The following ADGRD1 variants were observed in gnomAD, a reference collection of about 807,000 sequenced individuals.
The protein encoded by ADGRD1 is G-protein coupled receptor 133.
In ADGRD1, 77 loss-of-function variants were observed where a neutral mutation model predicts 113.4. That is an observed-to-expected ratio of 0.68 (90% CI 0.57 to 0.82). ADGRD1 has a LOEUF of 0.82. Ranked by LOEUF, ADGRD1 falls within the 40% of genes least tolerant of loss-of-function variation. The pLI is 0.00. For missense variants in ADGRD1, 1,036 were observed against 1,139.1 expected, an observed-to-expected ratio of 0.91 and a Z score of 1.30; for synonymous variants, 474 against 475.0, an observed-to-expected ratio of 1.00 and a Z score of 0.03.
chr12:131,129,595 A>G (rs879711089), intron 20 of ADGRD1, among the ~76,000 whole-genome samples: 71 of 152,222 alleles, frequency 4.7e-4, no homozygotes, highest in Admixed American at 3.0e-3. Context: ...TCAGTGGGTG[A>G]GGTACCCGGA....
chr12:131,054,351 C>T (rs949544164), intron 13 of ADGRD1, among the ~76,000 whole-genome samples: 6 of 152,180 alleles, frequency 3.9e-5, no homozygotes, highest in Admixed American at 6.5e-5. Flanking sequence ...GATTAATCTG[C>T]ATTTTCTAGA....
intron 20 of ADGRD1, among the ~76,000 whole-genome samples, chr12:131,130,433 C>T (rs1020936127): frequency 6.6e-5 from 10 of 152,146 alleles, no homozygotes; most frequent in South Asian, 2.1e-4. Flanking sequence ...GGCCCCACCA[C>T]GCACCACTCT....
At chr12:131,117,176 GGACTGCTGT>G (rs1376444455) in intron 18 of ADGRD1, among the ~76,000 whole-genome samples, 9 of 152,174 alleles carry the variant, frequency 5.9e-5, no homozygotes, top group African/African-American at 2.2e-4. Flanking sequence ...GAAGCTCTGG[GGACTGCTGT>G]GATCCAGATG....
chr12:131,076,736 C>T (rs1236519304), intron 13 of ADGRD1, 65 bp from the exon 14 acceptor site: 35 of 1,377,930 alleles, frequency 2.5e-5, no homozygotes, highest in Non-Finnish European at 3.6e-5. Flanking sequence ...GCTCTCACAT[C>T]AGTGCTGAGA....
At chr12:131,019,714 C>T (rs566927594) in intron 13 of ADGRD1, among the ~76,000 whole-genome samples, 7 of 152,340 alleles carry the variant, frequency 4.6e-5, no homozygotes, top group South Asian at 2.1e-4. Flanking sequence ...GCCAGGCCAT[C>T]GCTCAGGCTA....
chr12:131,055,233 A>G (rs945223851), intron 13 of ADGRD1, among the ~76,000 whole-genome samples: 2 of 152,134 alleles, frequency 1.3e-5, no homozygotes, highest in Non-Finnish European at 2.9e-5. Flanking sequence ...GCTCCCTACC[A>G]TGTCCCTGAG....
In ADGRD1 at chr12:131,084,721, T is replaced by TG; in HGVS notation, c.1671+63dup. The TG allele has an allele frequency of 6.4e-7, 1 of 1,572,560 alleles. No individual in the cohort carries two copies. Among genetic ancestry groups the TG allele is most frequent in the Non-Finnish European group, 8.6e-7 (1 of 1,156,654 alleles). On this transcript the variant is annotated intron_variant, in intron 15 of 24. Coordinates refer to ENST00000261654, the MANE Select transcript of ADGRD1 (RefSeq NM_198827.5). This position sits in a 1 kb window ranked among gnomAD's most constrained non-coding sequence, Gnocchi z 4.5. ...GGGGGACGTACCATGAGGCTGCAGGTGGGGGCGGGAGGATGCTTTGCCCGC... is the reference window on the plus strand; with the variant it reads ...GGGGGACGTACCATGAGGCTGCAGGTGGGGGGCGGGAGGATGCTTTGCCCGC...
chr12:131,006,367 A>G (rs1253309898), intron 12 of ADGRD1, among the ~76,000 whole-genome samples: 1 of 152,232 alleles, frequency 6.6e-6, no homozygotes, highest in African/African-American at 2.4e-5. Flanking sequence ...AATGGAAGAC[A>G]ACAGACCTGT....
chr12:131,052,244 T>A (rs1238527741), intron 13 of ADGRD1, among the ~76,000 whole-genome samples: 1 of 152,162 alleles, frequency 6.6e-6, no homozygotes, highest in African/African-American at 2.4e-5. Flanking sequence ...CGGGGCTCAT[T>A]TTCTCTGAGA....
At chr12:130,994,990 G>A (rs1875041728) in intron 8 of ADGRD1, among the ~76,000 whole-genome samples, 1 of 152,216 alleles carries the variant, frequency 6.6e-6, no homozygotes, top group South Asian at 2.1e-4. Flanking sequence ...CCGCCTGCCT[G>A]GCTCTGTGAT....
At chr12:130,963,743 CAACA>C (rs1461195488) in intron 2 of ADGRD1, among the ~76,000 whole-genome samples, 1 of 151,720 alleles carries the variant, frequency 6.6e-6, no homozygotes, top group African/African-American at 2.4e-5. Context: ...AAAAATTCTA[CAACA>C]AACAAGCCTT....
chr12:131,038,249 C>T (rs956317171), intron 13 of ADGRD1, among the ~76,000 whole-genome samples: 10 of 152,268 alleles, frequency 6.6e-5, no homozygotes, highest in African/African-American at 2.2e-4. Flanking sequence ...CCTGGACTTC[C>T]CCCATCCACA....
In ADGRD1 at chr12:131,022,325, G is replaced by A. The variant is rs1391679323; in HGVS notation, c.1473+7985G>A. On this transcript the variant is annotated intron_variant, in intron 13 of 24. Coordinates refer to ENST00000261654, the MANE Select transcript of ADGRD1 (RefSeq NM_198827.5). The surrounding 1 kb of genome is among the most constrained non-coding windows in gnomAD (Gnocchi z 4.6). ...AATATCTTGGTGGTGGGGAGATACC[G>A]TGAAACTACACAACCTTCCTTCAGC... Among the ~76,000 whole-genome samples, 4 of 152,126 alleles carry A rather than the reference G, an allele frequency of 2.6e-5. No homozygotes were observed. Among genetic ancestry groups the A allele is most frequent in the South Asian group, 2.1e-4 (1 of 4,828 alleles).
intron 15 of ADGRD1, among the ~76,000 whole-genome samples, chr12:131,087,502 G>A (rs1886560015): frequency 6.6e-6 from 1 of 152,242 alleles, no homozygotes; most frequent in African/African-American, 2.4e-5. Flanking sequence ...AAGCCCTTGC[G>A]TGCCGGGGCT....
At chr12:131,073,255 A>G (rs1029135915) in intron 13 of ADGRD1, among the ~76,000 whole-genome samples, 1 of 152,228 alleles carries the variant, frequency 6.6e-6, no homozygotes, top group African/African-American at 2.4e-5. Flanking sequence ...CTCAGAAAGC[A>G]CCAAGAGATA....
Position 131,139,272 on chromosome 12 carries a change from G to A in ADGRD1, c.*9G>A. The A allele has an allele frequency of 6.2e-7, 1 of 1,602,612 alleles. No homozygotes were observed. The highest frequency in any genetic ancestry group is 8.5e-7 in the Non-Finnish European group (1 of 1,172,222). On this transcript the variant is annotated 3_prime_UTR_variant, in exon 25 of 25. Coordinates refer to ENST00000261654, the MANE Select transcript of ADGRD1 (RefSeq NM_198827.5). ...ACCTGTCAGCCGTGTGAGCCGGGAG[G>A]CTGCCAACCAGGCCAGGCTGCGCTC... is the stretch of plus-strand genomic sequence containing the variant.
In ADGRD1 at chr12:130,986,455, G is replaced by A. The variant is rs148981602; in HGVS notation, c.491-640G>A. Among the ~76,000 whole-genome samples, 763 of 152,136 alleles carry A rather than the reference G, an allele frequency of 5.0e-3. 3 individuals are homozygous for A. The highest frequency in any genetic ancestry group is 0.017 in the African/African-American group (714 of 41,516). On this transcript the variant is annotated intron_variant, in intron 5 of 24. Coordinates refer to ENST00000261654, the MANE Select transcript of ADGRD1 (RefSeq NM_198827.5). ...TTTTAATTGTAAATTCTACTTGTTC[G>A]TTGCTGGCAGATGGGGAGCAATTGA...
At chr12:131,122,672 C>T (rs1380183953) in intron 20 of ADGRD1, among the ~76,000 whole-genome samples, 1 of 152,230 alleles carries the variant, frequency 6.6e-6, no homozygotes, top group East Asian at 1.9e-4. Context: ...CAAGTCTCTG[C>T]TGTTCCTTGT....
chr12:131,052,204 C>G (rs1440972599), intron 13 of ADGRD1, among the ~76,000 whole-genome samples: 1 of 152,138 alleles, frequency 6.6e-6, no homozygotes, highest in African/African-American at 2.4e-5. Flanking sequence ...AAAGCTCTGC[C>G]TGGGAACACT....
Sources: gnomAD v4.1 joint callset for allele counts (sites outside exome capture counted in the v4.1 genomes callset) on GRCh38, gnomAD v4.1.1 for gene constraint, Gnocchi (gnomAD v3.1) non-coding constraint, MANE v1.5 for transcripts, NCBI Gene and HGNC (gene_info 2026-07-23, HGNC 2026-07-21) for gene names.